The following ABCG2 variants were observed in gnomAD, a reference collection of about 807,000 sequenced individuals.
ABCG2 encodes the protein broad substrate specificity ATP-binding cassette transporter ABCG2.
In ABCG2, 80 loss-of-function variants were observed where a neutral mutation model predicts 73.5. The observed-to-expected ratio is 1.09, with a 90% CI of 0.91 to 1.31. ABCG2 has a LOEUF of 1.31. Ranked by LOEUF, ABCG2 falls within the 50% of genes most tolerant of loss-of-function variation. ABCG2 has a pLI of 0.00. For missense variants in ABCG2, 796 were observed against 786.2 expected (o/e 1.01, Z -0.15); for synonymous variants, 269 against 282.4 (o/e 0.95, Z 0.48).
At position 88,113,299 on chromosome 4, in the gene ABCG2, T is replaced by C; in HGVS notation, c.1194+4A>G. ...TGAGTATTTCAAAAGAATCTGCTGGTTACCTGAGCTATAGAGGCCTGGGGA... is the reference window on the plus strand; with the variant it reads ...TGAGTATTTCAAAAGAATCTGCTGGCTACCTGAGCTATAGAGGCCTGGGGA... On this transcript the variant is annotated splice_donor_region_variant and intron_variant, in intron 9 of 15. Coordinates refer to ENST00000237612, the MANE Select transcript of ABCG2 (RefSeq NM_004827.3). The C allele has an allele frequency of 6.2e-7, 1 of 1,611,748 alleles. No individual in the cohort carries two copies. Among genetic ancestry groups the C allele is most frequent in the Non-Finnish European group, 8.5e-7 (1 of 1,179,376 alleles).
intron 1 of ABCG2, among the ~76,000 whole-genome samples, chr4:88,195,467 C>G (rs1728905760): frequency 6.6e-6 from 1 of 152,078 alleles, no homozygotes; most frequent in South Asian, 2.1e-4. Flanking sequence ...CACGTGGCAC[C>G]AAAATATGTT....
intron 5 of ABCG2, among the ~76,000 whole-genome samples, chr4:88,127,785 G>A (rs998532642): frequency 6.6e-6 from 1 of 152,020 alleles, no homozygotes; most frequent in Non-Finnish European, 1.5e-5. Flanking sequence ...AGACTTAAAT[G>A]TAAGACCTAA....
intron 1 of ABCG2, among the ~76,000 whole-genome samples, chr4:88,144,737 G>C (rs748972253): frequency 6.6e-6 from 1 of 152,068 alleles, no homozygotes; most frequent in Non-Finnish European, 1.5e-5. Context: ...GATTATAGGT[G>C]TGAGCCACTG....
rs756130820 is a variant in ABCG2 at position 88,135,559 on chromosome 4, G to A, written c.204-2924C>T. 1.0e-3 allele frequency among the ~76,000 whole-genome samples: 97 copies of A among 95,514 alleles called. 2 individuals are homozygous for A. Among genetic ancestry groups the A allele is most frequent in the African/African-American group, 6.3e-4 (15 of 23,786 alleles). 62.7% of individuals were successfully genotyped at this position (95,514 alleles called of 152,430 possible). ...AAATCTTCACTTTCTCAATCACCAC[G>A]CCCGGGCCCTCCAATTTAGGGTTGG... On this transcript the variant is annotated intron_variant, in intron 2 of 15. Coordinates refer to ENST00000237612, the MANE Select transcript of ABCG2 (RefSeq NM_004827.3).
chr4:88,184,027 C>A (rs1344780056), intron 1 of ABCG2, among the ~76,000 whole-genome samples: 1 of 151,966 alleles, frequency 6.6e-6, no homozygotes, highest in Non-Finnish European at 1.5e-5. Flanking sequence ...TGATAAAAAC[C>A]TCCAAAAAAC....
intron 6 of ABCG2, among the ~76,000 whole-genome samples, chr4:88,121,179 C>A (rs928444816): frequency 1.3e-5 from 2 of 151,986 alleles, no homozygotes; most frequent in African/African-American, 4.8e-5. Context: ...AAATGGGAGA[C>A]TCACAACCCA....
intron 1 of ABCG2, among the ~76,000 whole-genome samples, chr4:88,204,251 C>T (rs1430884290): frequency 6.6e-6 from 1 of 152,114 alleles, no homozygotes; most frequent in Non-Finnish European, 1.5e-5. Context: ...GAAACCCCGT[C>T]TCTAGTAAAA....
At chr4:88,161,208 A>G (rs1342170866), upstream of ABCG2, among the ~76,000 whole-genome samples, 1 of 137,926 alleles carries the variant, frequency 7.3e-6, no homozygotes, top group Non-Finnish European at 1.5e-5. Context: ...TTTAGGGTAC[A>G]TGTGCACATT....
rs13133250 is a variant in ABCG2, at chr4:88,158,558, G to A, written c.-192C>T. On this transcript the variant is annotated 5_prime_UTR_variant, in exon 1 of 16. Transcript: ENST00000237612. ...AACAAGACCACCAAGCATGTGCACG[G>A]TGCGTTCCTAAATCCTACCCAGTTC... 2.2e-6 allele frequency: 1 copy of A among 456,302 alleles called. No individual in the cohort carries two copies. The highest frequency in any genetic ancestry group is 4.4e-6 in the Non-Finnish European group (1 of 226,968). 28.3% of individuals were successfully genotyped at this position (456,302 alleles called of 1,614,324 possible). A position where few individuals can be genotyped will look rare whatever the true frequency, so the allele number is the denominator to read the frequency against.
chr4:88,151,260 G>A (rs966753481), intron 1 of ABCG2, among the ~76,000 whole-genome samples: 5 of 152,132 alleles, frequency 3.3e-5, no homozygotes, highest in African/African-American at 1.2e-4. Context: ...AACATTTTGG[G>A]ATCCTAAGTC....
chr4:88,179,186 G>A (rs1419119269), intron 1 of ABCG2, among the ~76,000 whole-genome samples: 1 of 152,194 alleles, frequency 6.6e-6, no homozygotes, highest in Non-Finnish European at 1.5e-5. Context: ...GCTCCAGGCG[G>A]CTGAGCACAG....
At chr4:88,205,254 A>G (rs1578277158) in intron 1 of ABCG2, among the ~76,000 whole-genome samples, 1 of 152,360 alleles carries the variant, frequency 6.6e-6, no homozygotes, top group African/African-American at 2.4e-5. Context: ...ATCATTGAAA[A>G]GTCTTCCAAA....
chr4:88,137,880 T>C (rs1490382065), intron 2 of ABCG2, among the ~76,000 whole-genome samples: 1 of 152,194 alleles, frequency 6.6e-6, no homozygotes, highest in Non-Finnish European at 1.5e-5. Context: ...TCAGGCCAGG[T>C]GCAGTGGCTC....
chr4:88,131,925 A>T lies in ABCG2; in HGVS notation c.264-8T>A. On this transcript the variant is annotated splice_region_variant and splice_polypyrimidine_tract_variant and intron_variant, in intron 3 of 15. Coordinates refer to ENST00000237612, the MANE Select transcript of ABCG2 (RefSeq NM_004827.3). ...GCTAAGACATCTAATAACCTATAAG[A>T]GGACATATATGTTGTGGGTCTAATA... The T allele has an allele frequency of 1.2e-6, 2 of 1,601,730 alleles. No individual in the cohort carries two copies. Among genetic ancestry groups the T allele is most frequent in the Non-Finnish European group, 1.7e-6 (2 of 1,169,008 alleles).
intron 1 of ABCG2, among the ~76,000 whole-genome samples, chr4:88,198,046 A>AAAAT (rs1487048888): frequency 6.7e-6 from 1 of 149,348 alleles, no homozygotes; most frequent in Non-Finnish European, 1.5e-5. Context: ...AAAAAAAAAA[A>AAAAT]TCGTTTGTTT....
At chr4:88,103,276 A>T (rs1277470237) in intron 10 of ABCG2, among the ~76,000 whole-genome samples, 1 of 152,232 alleles carries the variant, frequency 6.6e-6, no homozygotes, top group Non-Finnish European at 1.5e-5. Flanking sequence ...GTCCATAATG[A>T]TTCTGAAAAA....
At chr4:88,093,922 G>A (rs138339495) in intron 15 of ABCG2, among the ~76,000 whole-genome samples, 2 of 152,260 alleles carry the variant, frequency 1.3e-5, no homozygotes, top group South Asian at 2.1e-4. Flanking sequence ...ATGTGAAAAC[G>A]GGGTTTTTTT....
chr4:88,158,986 G>C (rs914723973), upstream of ABCG2: 2 of 359,558 alleles, frequency 5.6e-6, no homozygotes, highest in Admixed American at 7.0e-5. Flanking sequence ...CCCGACTGCC[G>C]GGCCGCGATA....
intron 1 of ABCG2, among the ~76,000 whole-genome samples, chr4:88,225,228 A>T (rs899530075): frequency 5.3e-5 from 8 of 151,840 alleles, no homozygotes; most frequent in Admixed American, 5.3e-4. Context: ...CTGTGTCATG[A>T]CTCCTCTACT....
Sources: allele counts gnomAD v4.1 joint callset (sites outside exome capture counted in the v4.1 genomes callset), GRCh38; gene constraint gnomAD v4.1.1; transcripts MANE v1.5; gene names NCBI Gene and HGNC (gene_info 2026-07-23, HGNC 2026-07-21).